The following DDX3X variants were observed in gnomAD, a reference collection of about 807,000 sequenced individuals.
The protein encoded by DDX3X is ATP-dependent RNA helicase DDX3X.
A neutral mutation model predicts 52.7 loss-of-function variants in DDX3X; 4 were observed. That is an observed-to-expected ratio of 0.08 (90% CI 0.04 to 0.17). DDX3X has a LOEUF of 0.17. DDX3X is among the 10% of genes least tolerant of loss of function. The probability of loss-of-function intolerance (pLI) is 1.00; values close to 1 mark genes in which losing one functional copy is unlikely to be tolerated. For missense variants in DDX3X, 222 were observed against 548.6 expected, an observed-to-expected ratio of 0.40 and a Z score of 5.95; for synonymous variants, 192 against 178.1, an observed-to-expected ratio of 1.08 and a Z score of -0.62.
intron 1 of DDX3X, chrX:41,334,703 G>A (rs754205041): frequency 5.0e-6 from 5 of 1,001,903 alleles, no homozygotes; most frequent in Non-Finnish European, 6.4e-6. Context: ...CTTCACGGCT[G>A]GCGCAGCCTG....
In DDX3X at chrX:41,349,899, T is replaced by C. The variant is rs1193769456; in HGVS notation, c.*2180T>C. 9.9e-6 allele frequency: 1 copy of C among 101,395 alleles called. No individual in the cohort carries two copies. The highest frequency in any genetic ancestry group is 2.0e-5 in the Non-Finnish European group (1 of 50,302). The allele number at this position is 101,395 out of a possible 1,213,427, so 8.4% of individuals were successfully genotyped here. On this transcript the variant is annotated 3_prime_UTR_variant, in exon 17 of 17. Transcript: ENST00000644876. ...GTTGTGTGGATTTTGTTTAGTTGTGTGTTTTTTTTTTTTTTTCAGTGAATG... is the reference window on the plus strand; with the variant it reads ...GTTGTGTGGATTTTGTTTAGTTGTGCGTTTTTTTTTTTTTTTCAGTGAATG...
chrX:41,362,515 A>T (rs772801299), intron 5 of DDX3X, among the ~76,000 whole-genome samples: 176 of 111,188 alleles, frequency 1.6e-3, no homozygotes, highest in Non-Finnish European at 2.9e-3. Context: ...TGCTCCTATC[A>T]TACCAGCCGC....
In DDX3X at chrX:41,334,243, C is replaced by G; in HGVS notation, c.-10C>G. The G allele has an allele frequency of 1.7e-6, 2 of 1,208,214 alleles. No individual in the cohort carries two copies. Among genetic ancestry groups the G allele is most frequent in the South Asian group, 3.5e-5 (2 of 56,488 alleles). On this transcript the variant is annotated 5_prime_UTR_variant, in exon 1 of 17. Transcript: ENST00000644876. ...AGCGGAAGACTCCGAGTTCTCGGTACTCTTCAGGGATGAGTCATGTGGCAG... is the reference window on the plus strand; with the variant it reads ...AGCGGAAGACTCCGAGTTCTCGGTAGTCTTCAGGGATGAGTCATGTGGCAG...
chrX:41,361,028 G>A (rs1264950963), intron 5 of DDX3X, among the ~76,000 whole-genome samples: 1 of 108,515 alleles, frequency 9.2e-6, no homozygotes, highest in South Asian at 4.0e-4. Flanking sequence ...ACAGGCATGA[G>A]CCACGGTGCT....
Position 41,347,425 on chromosome X carries a change from A to T in DDX3X, c.1883A>T (p.His628Leu). The T allele has an allele frequency of 8.3e-7, 1 of 1,211,483 alleles. No homozygotes were observed. Among genetic ancestry groups the T allele is most frequent in the Non-Finnish European group, 1.1e-6 (1 of 895,218 alleles). ...ASSSRSGGGG[H>L]GSSRGFGGGG... ...AGCAGCCGCAGTGGCGGAGGTGGCC[A>T]CGGTAGCAGCAGAGGATTTGGTGGA... The change falls in exon 16 of 17, where the codon CAC (histidine) becomes CTC (leucine). Residue 628 changes from histidine to leucine, a missense_variant. This residue lies in a region of DDX3X where 38 missense variants were observed against 52.0 expected (regional missense o/e 0.73). Transcript: ENST00000644876.
At chrX:41,345,109 G>A (rs2063906415) in intron 10 of DDX3X, 71 bp from the exon 11 acceptor site, 1 of 1,003,475 alleles carries the variant, frequency 1.0e-6, no homozygotes, top group Non-Finnish European at 1.4e-6. Context: ...TATACTAACA[G>A]CCATACTAAA....
downstream of DDX3X, chrX:41,350,924 T>G (rs2147367137): frequency 8.9e-6 from 1 of 112,122 alleles, no homozygotes; most frequent in Admixed American, 9.5e-5. Context: ...AGTTGAAGGT[T>G]TGCAGTATGA....
chrX:41,345,660 T>C (rs2063913816), intron 12 of DDX3X, 112 bp downstream of exon 12: 1 of 671,423 alleles, frequency 1.5e-6, no homozygotes, highest in African/African-American at 2.2e-5. Flanking sequence ...AGCATGGGAG[T>C]ATTTGACCTG....
intron 5 of DDX3X, among the ~76,000 whole-genome samples, chrX:41,362,543 C>T (rs760349298): frequency 8.9e-6 from 1 of 111,768 alleles, no homozygotes; most frequent in Non-Finnish European, 1.9e-5. Context: ...TCCTTAACTG[C>T]GCCAAGTTCA....
chrX:41,342,151 TTTC>T (rs2063859709), intron 4 of DDX3X: 4 of 181,854 alleles, frequency 2.2e-5, no homozygotes, highest in Non-Finnish European at 3.0e-5. Flanking sequence ...GGTGTGCTAT[TTTC>T]TTGTTTTCCC....
At chrX:41,354,062 A>G (rs997668041), downstream of DDX3X, among the ~76,000 whole-genome samples, 1 of 111,393 alleles carries the variant, frequency 9.0e-6, no homozygotes, top group African/African-American at 3.3e-5. Context: ...GTTAAAATGT[A>G]TTTTCTAATA....
intron 5 of DDX3X, among the ~76,000 whole-genome samples, chrX:41,363,476 T>C (rs1373845519): frequency 9.4e-6 from 1 of 106,810 alleles, no homozygotes; most frequent in Admixed American, 1.0e-4. Flanking sequence ...CATATAATAG[T>C]TGACTGTCAC....
chrX:41,350,651 A>G (rs1439472188), downstream of DDX3X: 1 of 111,434 alleles, frequency 9.0e-6, no homozygotes, highest in Non-Finnish European at 1.9e-5. Flanking sequence ...GCCAGGTGTG[A>G]TGATTACATA....
At chrX:41,354,344 C>CTTTTTTT (rs60965317), downstream of DDX3X, among the ~76,000 whole-genome samples, 281 of 69,921 alleles carry the variant, frequency 4.0e-3, 24 homozygotes, top group African/African-American at 0.017. Context: ...TGTGCTACCT[C>CTTTTTTT]TTTTTTTTTT....
At chrX:41,343,652 G>C in intron 7 of DDX3X, 85 bp from the exon 8 acceptor site, 1 of 865,158 alleles carries the variant, frequency 1.2e-6, no homozygotes, top group Non-Finnish European at 1.7e-6. Flanking sequence ...CTAATTATTA[G>C]TAATAGGGTA....
In DDX3X at chrX:41,341,477, A is replaced by T; in HGVS notation, c.152-7A>T. The T allele has an allele frequency of 1.7e-6, 2 of 1,193,041 alleles. No homozygotes were observed. Among genetic ancestry groups the T allele is most frequent in the Non-Finnish European group, 2.3e-6 (2 of 881,995 alleles). ...AATAAAATGTATTTGTGCTTTTTTA[A>T]TCAAAGGTTTCTACGATAAAGACAG... On this transcript the variant is annotated splice_polypyrimidine_tract_variant and splice_region_variant and intron_variant, in intron 3 of 16. Transcript: ENST00000644876.
intron 3 of DDX3X, chrX:41,339,956 G>A (rs2063826217): frequency 1.1e-5 from 1 of 92,397 alleles, no homozygotes; most frequent in African/African-American, 4.3e-5. Flanking sequence ...CTCTGCTGCG[G>A]AGGCTGGAGT....
At chrX:41,340,600 A>G in intron 3 of DDX3X, 2 of 266,079 alleles carry the variant, frequency 7.5e-6, no homozygotes, top group East Asian at 5.3e-5. Flanking sequence ...GTCTATACTG[A>G]GAATATATAG....
At position 41,344,133 on chromosome X, in the gene DDX3X, GTA is replaced by G. The variant is rs1487764069; in HGVS notation, c.864+7_864+8del. ...ATCTACGAGGAAGCCAGAAAAGTAA[GTA>G]TGAGTTCCAGTGATTATTAGCTTTT... On this transcript the variant is annotated splice_donor_region_variant and intron_variant, in intron 9 of 16. Transcript: ENST00000644876. The G allele has an allele frequency of 5.0e-6, 6 of 1,193,368 alleles. No individual in the cohort carries two copies. The highest frequency in any genetic ancestry group is 2.3e-5 in the Admixed American group (1 of 43,826).
Sources: allele counts gnomAD v4.1 joint callset (sites outside exome capture counted in the v4.1 genomes callset), GRCh38; gene constraint gnomAD v4.1.1; regional missense constraint gnomAD v4.1.1; transcripts MANE v1.5; gene names NCBI Gene and HGNC (gene_info 2026-07-23, HGNC 2026-07-21).